PARD3: variants seen among roughly 807,000 people sequenced by gnomAD.
PARD3 encodes partitioning defective 3 homolog.
In PARD3, 75 loss-of-function variants were observed where a neutral mutation model predicts 155.4. The ratio of observed to expected loss-of-function variants is 0.48; its 90% CI spans 0.40 to 0.58. The LOEUF (loss-of-function observed/expected upper bound fraction) is 0.58, where lower values mean the gene tolerates loss of function less well. PARD3 is among the 20% of genes least tolerant of loss of function. The probability of loss-of-function intolerance (pLI) is 0.00; values close to 1 mark genes in which losing one functional copy is unlikely to be tolerated. For synonymous variants in PARD3, 576 were observed against 610.5 expected (o/e 0.94, Z 0.83); for missense variants, 1,642 against 1,721.7 (o/e 0.95, Z 0.82).
At chr10:34,307,358 C>A (rs1455787404) in intron 20 of PARD3, among the ~76,000 whole-genome samples, 1 of 152,042 alleles carries the variant, frequency 6.6e-6, no homozygotes, top group Non-Finnish European at 1.5e-5. Context: ...TGTTACCGAG[C>A]CTGTGAAACT....
intron 12 of PARD3, among the ~76,000 whole-genome samples, chr10:34,367,210 G>GT (rs1254728655): frequency 6.6e-6 from 1 of 152,070 alleles, no homozygotes; most frequent in East Asian, 1.9e-4. Flanking sequence ...ATTAACAAAC[G>GT]TAATAGGTTA....
chr10:34,373,991 T>G (rs1840962302), intron 11 of PARD3, among the ~76,000 whole-genome samples: 1 of 152,134 alleles, frequency 6.6e-6, no homozygotes, highest in Non-Finnish European at 1.5e-5. Flanking sequence ...AAATTAATTT[T>G]TGTTTAGCAC....
At chr10:34,736,999 C>CTTT (rs2094927627) in intron 1 of PARD3, among the ~76,000 whole-genome samples, 1 of 152,068 alleles carries the variant, frequency 6.6e-6, no homozygotes, top group African/African-American at 2.4e-5. Flanking sequence ...TTTAGACATC[C>CTTT]CAAAAGGTCA....
At chr10:34,210,702 A>G (rs1380733580) in intron 22 of PARD3, among the ~76,000 whole-genome samples, 2 of 152,184 alleles carry the variant, frequency 1.3e-5, no homozygotes, top group Non-Finnish European at 2.9e-5. Context: ...TCACCACATC[A>G]CTATCATCAC....
chr10:34,189,415 G>A lies in PARD3; in HGVS notation c.3420-57832C>T, dbSNP rs550299069. Among the ~76,000 whole-genome samples, 23 of 152,244 alleles carry A rather than the reference G, an allele frequency of 1.5e-4. No homozygotes were observed. In the South Asian group the frequency reaches 2.9e-3, roughly 19 times the overall value. On this transcript the variant is annotated intron_variant, in intron 22 of 24. Transcript: ENST00000374788. ...TTAACACTTTGTTGGTGGTGCAAAC[G>A]CCATAGGGGAGGGGGCAAAACAGCT...
chr10:34,294,187 T>C (rs1381549214), intron 20 of PARD3, among the ~76,000 whole-genome samples: 2 of 152,256 alleles, frequency 1.3e-5, no homozygotes, highest in Non-Finnish European at 2.9e-5. Flanking sequence ...TATGAGGTAG[T>C]ACAAACACAC....
intron 1 of PARD3, among the ~76,000 whole-genome samples, chr10:34,720,228 G>A (rs959185929): frequency 2.4e-4 from 36 of 152,276 alleles, no homozygotes; most frequent in African/African-American, 8.4e-4. Flanking sequence ...AGTGTCAGGC[G>A]TTCAAGACTA....
At chr10:34,269,981 T>C (rs552914293) in intron 21 of PARD3, 82 bp from the exon 22 acceptor site, 4 of 1,322,284 alleles carry the variant, frequency 3.0e-6, no homozygotes, top group Non-Finnish European at 4.2e-6. Context: ...TCAAAATATG[T>C]TGTAAAATAT....
chr10:34,755,594 T>G (rs1275042448), intron 1 of PARD3, among the ~76,000 whole-genome samples: 1 of 152,152 alleles, frequency 6.6e-6, no homozygotes, highest in African/African-American at 2.4e-5. Context: ...GCAGATAACC[T>G]AAACTGCCCT....
At chr10:34,161,087 T>C (rs1949255309) in intron 22 of PARD3, among the ~76,000 whole-genome samples, 1 of 151,148 alleles carries the variant, frequency 6.6e-6, no homozygotes, top group Non-Finnish European at 1.5e-5. Context: ...ACATAAAAAG[T>C]TTAAAAAATT....
chr10:34,434,729 A>G (rs2076105731), intron 5 of PARD3, among the ~76,000 whole-genome samples: 1 of 152,222 alleles, frequency 6.6e-6, no homozygotes, highest in Admixed American at 6.5e-5. Flanking sequence ...GAATTTAAAA[A>G]TACAATTGCC....
At chr10:34,194,612 CTTTTTT>C (rs34506915) in intron 22 of PARD3, among the ~76,000 whole-genome samples, 1 of 120,988 alleles carries the variant, frequency 8.3e-6, no homozygotes. Context: ...TATGCCAAAG[CTTTTTT>C]TTTTTTTTTT....
chr10:34,666,706 T>C (rs1295932536), intron 2 of PARD3, among the ~76,000 whole-genome samples: 1 of 144,920 alleles, frequency 6.9e-6, no homozygotes, highest in Non-Finnish European at 1.5e-5. Flanking sequence ...CTGACCTTGT[T>C]TGGAGGACCT....
intron 1 of PARD3, among the ~76,000 whole-genome samples, chr10:34,703,239 A>G (rs1016167360): frequency 6.6e-6 from 1 of 151,928 alleles, no homozygotes; most frequent in African/African-American, 2.4e-5. Flanking sequence ...AACCATAAAA[A>G]TAAGTCAGGT....
intron 22 of PARD3, among the ~76,000 whole-genome samples, chr10:34,207,791 A>G (rs1253447663): frequency 1.3e-5 from 2 of 152,210 alleles, no homozygotes; most frequent in African/African-American, 2.4e-5. Context: ...CCCAGCATGA[A>G]TCTAGTTTTT....
chr10:34,548,771 G>C (rs1426875179), intron 2 of PARD3, among the ~76,000 whole-genome samples: 1 of 150,772 alleles, frequency 6.6e-6, no homozygotes, highest in Admixed American at 6.6e-5. Flanking sequence ...GCCTTTTATT[G>C]GCTTTAGTTT....
chr10:34,441,254 G>A (rs2076447078), intron 5 of PARD3, among the ~76,000 whole-genome samples: 2 of 152,000 alleles, frequency 1.3e-5, no homozygotes, highest in African/African-American at 4.8e-5. Flanking sequence ...TAAACCTAAT[G>A]TTACCTAAAA....
intron 19 of PARD3, among the ~76,000 whole-genome samples, chr10:34,330,598 TGATCTCAG>T (rs1295951571): frequency 6.6e-6 from 1 of 152,216 alleles, no homozygotes; most frequent in African/African-American, 2.4e-5. Flanking sequence ...TCAAATATTT[TGATCTCAG>T]GATGACTTCA....
chr10:34,674,615 T>C (rs1338524618), intron 2 of PARD3, among the ~76,000 whole-genome samples: 1 of 151,584 alleles, frequency 6.6e-6, no homozygotes, highest in Non-Finnish European at 1.5e-5. Context: ...GGCTCCCAAG[T>C]AGCTGGGATT....
Sources: allele counts gnomAD v4.1 joint callset (sites outside exome capture counted in the v4.1 genomes callset), GRCh38; gene constraint gnomAD v4.1.1; transcripts MANE v1.5; gene names NCBI Gene and HGNC (gene_info 2026-07-23, HGNC 2026-07-21).